Variants in ASTN2 observed in about 807,000 individuals in gnomAD.
ASTN2 encodes the protein astrotactin-2.
ASTN2 carries 54 observed loss-of-function variants against 139.8 expected under a neutral mutation model. The ratio of observed to expected loss-of-function variants is 0.39; its 90% CI spans 0.31 to 0.48. The LOEUF (loss-of-function observed/expected upper bound fraction) is 0.48. Ranked by LOEUF, ASTN2 falls within the 20% of genes least tolerant of loss-of-function variation. The probability of loss-of-function intolerance (pLI) is 0.95; values close to 1 mark genes in which losing one functional copy is unlikely to be tolerated. For synonymous variants in ASTN2, 756 were observed against 719.5 expected (o/e 1.05, Z -0.81); for missense variants, 1,565 against 1,725.1 (o/e 0.91, Z 1.64).
chr9:116,607,318 T>G (rs928571881), intron 19 of ASTN2, among the ~76,000 whole-genome samples: 1 of 152,114 alleles, frequency 6.6e-6, no homozygotes, highest in Non-Finnish European at 1.5e-5. Flanking sequence ...ATTCATCATC[T>G]TGTATCTTTA....
intron 11 of ASTN2, among the ~76,000 whole-genome samples, chr9:116,843,739 C>A (rs577013217): frequency 6.6e-6 from 1 of 150,924 alleles, no homozygotes; most frequent in South Asian, 2.1e-4. Context: ...CTGGGGACTA[C>A]CAGATGGGGG....
intron 10 of ASTN2, among the ~76,000 whole-genome samples, chr9:116,958,171 G>A (rs547110730): frequency 2.6e-4 from 40 of 152,166 alleles, no homozygotes; most frequent in Non-Finnish European, 5.1e-4. Flanking sequence ...GAGATACTTT[G>A]AGGCTATGTG....
chr9:117,272,289 G>A lies in ASTN2; in HGVS notation c.630+19037C>T, dbSNP rs187359234. ...CCTTTCAGCCACGCTGGAGAGGCTG[G>A]GACACAGGCACCAAGTCCCTAGGCT... On this transcript the variant is annotated intron_variant, in intron 2 of 22. Coordinates refer to ENST00000313400, the MANE Select transcript of ASTN2 (RefSeq NM_001365068.1). Among the ~76,000 whole-genome samples, 9 of 152,242 alleles carry A rather than the reference G, an allele frequency of 5.9e-5. No individual in the cohort carries two copies. In the East Asian group the frequency reaches 1.4e-3, roughly 23 times the overall value.
At chr9:116,455,035 A>G (rs1848286219) in intron 20 of ASTN2, among the ~76,000 whole-genome samples, 1 of 151,400 alleles carries the variant, frequency 6.6e-6, no homozygotes. Flanking sequence ...ATTAAAGTAT[A>G]ATAATAAAAA....
intron 5 of ASTN2, among the ~76,000 whole-genome samples, chr9:117,044,806 T>C (rs1256541465): frequency 6.6e-6 from 1 of 152,200 alleles, no homozygotes; most frequent in Non-Finnish European, 1.5e-5. Flanking sequence ...GGGAAAATAA[T>C]ACTAAACAAA....
intron 10 of ASTN2, among the ~76,000 whole-genome samples, chr9:116,888,696 T>C (rs935402803): frequency 1.0e-4 from 14 of 139,002 alleles, no homozygotes; most frequent in Non-Finnish European, 1.0e-4. Context: ...CTAATTTTTG[T>C]AATTAAAAAA....
chr9:116,597,452 C>A (rs1037277845), intron 19 of ASTN2, among the ~76,000 whole-genome samples: 14 of 151,520 alleles, frequency 9.2e-5, no homozygotes, highest in Admixed American at 3.3e-4. Context: ...GCCACCATGC[C>A]CGGCTAATTT....
At chr9:117,148,014 G>A (rs1407771656) in intron 3 of ASTN2, among the ~76,000 whole-genome samples, 1 of 152,188 alleles carries the variant, frequency 6.6e-6, no homozygotes, top group African/African-American at 2.4e-5. Context: ...CCTGAAACCA[G>A]TGAGTGGCTT....
At chr9:117,120,018 G>GTATATATATATATATATATATATATA (rs200361826) in intron 4 of ASTN2, among the ~76,000 whole-genome samples, 3 of 45,998 alleles carry the variant, frequency 6.5e-5, no homozygotes, top group Non-Finnish European at 1.2e-4. Context: ...GTGTGTGTGT[G>GTATATATATATATATATATATATATA]TATATATATA....
chr9:116,661,272 G>T (rs1858542192), intron 16 of ASTN2, among the ~76,000 whole-genome samples: 1 of 152,166 alleles, frequency 6.6e-6, no homozygotes, highest in South Asian at 2.1e-4. Context: ...TACTTAAGAT[G>T]ATTGCTCTGG....
chr9:117,109,636 C>A (rs1035176262), intron 4 of ASTN2, among the ~76,000 whole-genome samples: 9 of 152,122 alleles, frequency 5.9e-5, no homozygotes, highest in African/African-American at 2.2e-4. Flanking sequence ...TGTGACAAAT[C>A]TGACAGAATC....
chr9:116,739,721 C>G (rs1829049707), intron 13 of ASTN2, among the ~76,000 whole-genome samples: 1 of 152,170 alleles, frequency 6.6e-6, no homozygotes, highest in East Asian at 1.9e-4. Flanking sequence ...TCCATGCAGC[C>G]CCAAACTATG....
intron 3 of ASTN2, among the ~76,000 whole-genome samples, chr9:117,185,193 T>C (rs1437397488): frequency 6.6e-6 from 1 of 152,210 alleles, no homozygotes; most frequent in African/African-American, 2.4e-5. Context: ...TTAAATCCTC[T>C]TCTTTTTTAC....
chr9:116,858,114 T>A (rs935047562), intron 11 of ASTN2, among the ~76,000 whole-genome samples: 1 of 152,110 alleles, frequency 6.6e-6, no homozygotes, highest in Non-Finnish European at 1.5e-5. Context: ...AGACAGGTAA[T>A]AAAGGAACCC....
At chr9:116,477,779 G>A (rs975418382) in intron 20 of ASTN2, among the ~76,000 whole-genome samples, 3 of 149,464 alleles carry the variant, frequency 2.0e-5, no homozygotes, top group African/African-American at 7.4e-5. Context: ...CCAGTACTTT[G>A]GGAGACCAAG....
At chr9:117,115,106 A>G (rs1564432578) in intron 4 of ASTN2, among the ~76,000 whole-genome samples, 1 of 152,206 alleles carries the variant, frequency 6.6e-6, no homozygotes, top group Non-Finnish European at 1.5e-5. Context: ...TGTTGCTTTT[A>G]ACCACAAAGC....
At chr9:116,745,437 C>T (rs1193492436) in intron 13 of ASTN2, among the ~76,000 whole-genome samples, 1 of 152,216 alleles carries the variant, frequency 6.6e-6, no homozygotes, top group Non-Finnish European at 1.5e-5. Context: ...CTTCAGGAAG[C>T]TGTCACTGAG....
intron 10 of ASTN2, among the ~76,000 whole-genome samples, chr9:116,934,497 A>G (rs1484740368): frequency 6.6e-6 from 1 of 152,158 alleles, no homozygotes; most frequent in Non-Finnish European, 1.5e-5. Context: ...TTTTTTGCTT[A>G]GCAAACTAAC....
intron 2 of ASTN2, 39 bp downstream of exon 2, chr9:117,291,287 C>T (rs539293274): frequency 4.0e-5 from 65 of 1,608,408 alleles, no homozygotes; most frequent in Admixed American, 1.8e-4. Context: ...TCCTCCCCCA[C>T]GCAATCCCCG....
Sources: gnomAD v4.1 joint callset for allele counts (sites outside exome capture counted in the v4.1 genomes callset) on GRCh38, gnomAD v4.1.1 for gene constraint, MANE v1.5 for transcripts, NCBI Gene and HGNC (gene_info 2026-07-23, HGNC 2026-07-21) for gene names.